ROBO2: variants seen among roughly 807,000 people sequenced by gnomAD.
The protein encoded by ROBO2 is roundabout guidance receptor 2, also known as roundabout homolog 2.
Under a neutral mutation model 160.8 loss-of-function variants are expected in ROBO2, and 53 were observed. That is an observed-to-expected ratio of 0.33 (90% confidence interval 0.26 to 0.41). The LOEUF (loss-of-function observed/expected upper bound fraction) is 0.41. ROBO2 is among the 10% of genes least tolerant of loss of function. The probability of loss-of-function intolerance (pLI) is 1.00; values close to 1 mark genes in which losing one functional copy is unlikely to be tolerated. For synonymous variants in ROBO2, 664 were observed against 611.7 expected, an observed-to-expected ratio of 1.09 and a Z score of -1.26; for missense variants, 1,577 against 1,722.4, an observed-to-expected ratio of 0.92 and a Z score of 1.49.
At chr3:76,331,731 C>T (rs533180643) in intron 2 of ROBO2, among the ~76,000 whole-genome samples, 1 of 151,158 alleles carries the variant, frequency 6.6e-6, no homozygotes, top group African/African-American at 2.4e-5. Context: ...CTCTGTCGCC[C>T]AGGCCTGGAG....
At chr3:77,372,805 T>C (rs182515229) in intron 2 of ROBO2, among the ~76,000 whole-genome samples, 1 of 152,188 alleles carries the variant, frequency 6.6e-6, no homozygotes, top group East Asian at 1.9e-4. Flanking sequence ...TAAGATAGGA[T>C]GATTGGCAGG....
At chr3:77,056,439 A>G (rs2065751796) in intron 1 of ROBO2, among the ~76,000 whole-genome samples, 1 of 152,184 alleles carries the variant, frequency 6.6e-6, no homozygotes, top group South Asian at 2.1e-4. Context: ...TATTATTAAT[A>G]TCTTAATTCA....
intron 2 of ROBO2, among the ~76,000 whole-genome samples, chr3:76,374,941 CTT>C (rs77109557): frequency 8.1e-4 from 112 of 138,362 alleles, no homozygotes; most frequent in African/African-American, 2.8e-3. Context: ...CTTTCTTCTT[CTT>C]TTTTTTTTTT....
chr3:76,795,712 C>T (rs974974457), intron 2 of ROBO2, among the ~76,000 whole-genome samples: 1 of 152,052 alleles, frequency 6.6e-6, no homozygotes, highest in African/African-American at 2.4e-5. Flanking sequence ...TTTGAACATC[C>T]CATTAATGTT....
At chr3:76,672,012 T>C (rs2092279836) in intron 2 of ROBO2, among the ~76,000 whole-genome samples, 1 of 152,038 alleles carries the variant, frequency 6.6e-6, no homozygotes, top group African/African-American at 2.4e-5. Flanking sequence ...CAAAGATAGA[T>C]TTTATATAAT....
chr3:77,325,069 C>G (rs1384108868), intron 2 of ROBO2, among the ~76,000 whole-genome samples: 1 of 152,026 alleles, frequency 6.6e-6, no homozygotes, highest in Non-Finnish European at 1.5e-5. Context: ...ATTTTAAAAA[C>G]AACAATATTT....
chr3:76,814,175 G>A (rs1279905294), intron 2 of ROBO2, among the ~76,000 whole-genome samples: 3 of 152,056 alleles, frequency 2.0e-5, no homozygotes, highest in African/African-American at 7.2e-5. Context: ...TGATGACAGC[G>A]CAAATACACC....
intron 2 of ROBO2, among the ~76,000 whole-genome samples, chr3:77,288,785 A>G (rs2060803743): frequency 6.6e-6 from 1 of 152,236 alleles, no homozygotes; most frequent in Non-Finnish European, 1.5e-5. Context: ...CTACTCAAGC[A>G]TACGGATACA....
intron 2 of ROBO2, among the ~76,000 whole-genome samples, chr3:77,467,191 A>C (rs2153576849): frequency 6.6e-6 from 1 of 152,330 alleles, no homozygotes; most frequent in South Asian, 2.1e-4. Flanking sequence ...TGAATCCTGA[A>C]ATTTGGATTT....
chr3:77,501,307 TA>T lies in ROBO2; in HGVS notation c.806+7936del, dbSNP rs564271665. 3.8e-3 allele frequency among the ~76,000 whole-genome samples: 548 copies of T among 145,638 alleles called. 3 individuals are homozygous for T. The highest frequency in any genetic ancestry group is 0.012 in the African/African-American group (498 of 40,140). ...TCTTACATTAACTCTAAGCAAAAGGTAAAAAAAAAAAGTTGTTTAATTAATT... is the reference window on the plus strand; with the variant it reads ...TCTTACATTAACTCTAAGCAAAAGGTAAAAAAAAAAGTTGTTTAATTAATT... On this transcript the variant is annotated intron_variant, in intron 5 of 25. Transcript: ENST00000461745.
chr3:77,376,091 T>G (rs538672172), intron 2 of ROBO2, among the ~76,000 whole-genome samples: 1 of 151,878 alleles, frequency 6.6e-6, no homozygotes, highest in Non-Finnish European at 1.5e-5. Flanking sequence ...CAGATCCCAT[T>G]ATCAATACAG....
intron 2 of ROBO2, among the ~76,000 whole-genome samples, chr3:77,024,087 C>T (rs2062802872): frequency 6.6e-6 from 1 of 152,108 alleles, no homozygotes; most frequent in Admixed American, 6.5e-5. Context: ...GAAGAAAGTC[C>T]TGCATAGAAG....
At chr3:76,854,289 G>C (rs532592688) in intron 2 of ROBO2, among the ~76,000 whole-genome samples, 1 of 152,102 alleles carries the variant, frequency 6.6e-6, no homozygotes, top group Non-Finnish European at 1.5e-5. Flanking sequence ...ATTGCTTTCA[G>C]TAATGTGCTG....
chr3:76,512,729 A>G (rs1364085130), intron 2 of ROBO2, among the ~76,000 whole-genome samples: 1 of 152,142 alleles, frequency 6.6e-6, no homozygotes, highest in Non-Finnish European at 1.5e-5. Flanking sequence ...ACCTCAGGCT[A>G]TGTGTATAAA....
intron 2 of ROBO2, among the ~76,000 whole-genome samples, chr3:76,868,747 T>A: frequency 6.6e-6 from 1 of 151,730 alleles, no homozygotes; most frequent in East Asian, 1.9e-4. Context: ...CATCTAAAAA[T>A]CACTCGATGA....
chr3:75,911,781 C>T (rs1946602192), intron 1 of ROBO2, among the ~76,000 whole-genome samples: 1 of 151,934 alleles, frequency 6.6e-6, no homozygotes, highest in African/African-American at 2.4e-5. Flanking sequence ...TGGTCTCGAT[C>T]TCCTGACCTC....
chr3:77,132,553 G>A (rs796601990), intron 2 of ROBO2, among the ~76,000 whole-genome samples: 5 of 152,100 alleles, frequency 3.3e-5, no homozygotes, highest in African/African-American at 7.2e-5. Context: ...CTTGATTACC[G>A]TTTGATCAAC....
At chr3:77,596,056 C>CT (rs1243930221) in intron 18 of ROBO2, among the ~76,000 whole-genome samples, 1 of 151,984 alleles carries the variant, frequency 6.6e-6, no homozygotes, top group Admixed American at 6.6e-5. Context: ...CTTTTATTAC[C>CT]TTTAAAAAAA....
At chr3:77,417,426 A>G (rs975265929) in intron 2 of ROBO2, among the ~76,000 whole-genome samples, 2 of 151,898 alleles carry the variant, frequency 1.3e-5, no homozygotes, top group African/African-American at 2.4e-5. Flanking sequence ...TTACTTGAAG[A>G]TACCCTTTTC....
Sources: gnomAD v4.1 joint callset for allele counts (sites outside exome capture counted in the v4.1 genomes callset) on GRCh38, gnomAD v4.1.1 for gene constraint, MANE v1.5 for transcripts, NCBI Gene and HGNC (gene_info 2026-07-23, HGNC 2026-07-21) for gene names.